GREM2: variants seen among roughly 807,000 people sequenced by gnomAD.
GREM2 encodes the protein gremlin 2, DAN family BMP antagonist.
Under a neutral mutation model 14.2 loss-of-function variants are expected in GREM2, and 11 were observed. That is an observed-to-expected ratio of 0.78 (90% CI 0.49 to 1.28). The LOEUF is 1.28. Ranked by LOEUF, GREM2 falls within the 50% of genes most tolerant of loss-of-function variation. GREM2 has a pLI of 0.00. For missense variants in GREM2, 210 were observed against 218.5 expected, an observed-to-expected ratio of 0.96 and a Z score of 0.24; for synonymous variants, 98 against 97.6, an observed-to-expected ratio of 1.00 and a Z score of -0.02.
intron 1 of GREM2, among the ~76,000 whole-genome samples, chr1:240,529,818 T>C (rs374817657): frequency 1.1e-4 from 16 of 152,320 alleles, no homozygotes; most frequent in African/African-American, 3.6e-4. Context: ...CCCAGGTTTA[T>C]TTCATATAGT....
At chr1:240,595,618 A>G (rs952383010) in intron 1 of GREM2, among the ~76,000 whole-genome samples, 2 of 152,148 alleles carry the variant, frequency 1.3e-5, no homozygotes. Flanking sequence ...TTCAGGAATG[A>G]GGATAATGCC....
intron 1 of GREM2, among the ~76,000 whole-genome samples, chr1:240,560,199 A>G (rs1679013395): frequency 6.6e-6 from 1 of 152,176 alleles, no homozygotes; most frequent in African/African-American, 2.4e-5. Context: ...CGCTGTATGG[A>G]GAACGTTCTT....
chr1:240,610,900 A>C (rs1213778466), intron 1 of GREM2, among the ~76,000 whole-genome samples: 1 of 152,134 alleles, frequency 6.6e-6, no homozygotes, highest in Admixed American at 6.5e-5. Flanking sequence ...TTTTTAACTG[A>C]CTTCTTGCAG....
intron 1 of GREM2, among the ~76,000 whole-genome samples, chr1:240,505,437 A>G (rs986612810): frequency 6.6e-6 from 1 of 152,178 alleles, no homozygotes; most frequent in African/African-American, 2.4e-5. Context: ...TCATATATGA[A>G]AACAAAAACA....
chr1:240,594,638 G>T (rs1345382319), intron 1 of GREM2, among the ~76,000 whole-genome samples: 1 of 151,986 alleles, frequency 6.6e-6, no homozygotes, highest in South Asian at 2.1e-4. Context: ...CTTATAAATA[G>T]TATCTTCAGG....
intron 1 of GREM2, among the ~76,000 whole-genome samples, chr1:240,610,741 G>C (rs1680115875): frequency 6.6e-6 from 1 of 152,306 alleles, no homozygotes; most frequent in East Asian, 1.9e-4. Context: ...GAAAGGTAAG[G>C]TATTTGATTG....
chr1:240,609,040 G>A (rs543857056), intron 1 of GREM2, among the ~76,000 whole-genome samples: 2 of 152,212 alleles, frequency 1.3e-5, no homozygotes, highest in South Asian at 4.1e-4. Context: ...AAATATTCAG[G>A]ATGTCTCATC....
chr1:240,539,275 C>G (rs901171474), intron 1 of GREM2, among the ~76,000 whole-genome samples: 5 of 152,220 alleles, frequency 3.3e-5, no homozygotes, highest in African/African-American at 9.6e-5. Context: ...GGCTTGTGGT[C>G]TTCCTGGTGG....
At chr1:240,557,217 A>G (rs116218253) in intron 1 of GREM2, among the ~76,000 whole-genome samples, 239 of 151,722 alleles carry the variant, frequency 1.6e-3, no homozygotes, top group Non-Finnish European at 2.7e-3. Flanking sequence ...AAAATAAAAT[A>G]CATAAAAAAT....
chr1:240,579,491 T>G (rs1679439035), intron 1 of GREM2, among the ~76,000 whole-genome samples: 1 of 152,082 alleles, frequency 6.6e-6, no homozygotes, highest in South Asian at 2.1e-4. Flanking sequence ...GAGTGAGAGT[T>G]TTAGTGAAGG....
intron 1 of GREM2, among the ~76,000 whole-genome samples, chr1:240,570,021 GT>G (rs1486501813): frequency 6.6e-6 from 1 of 152,098 alleles, no homozygotes; most frequent in Non-Finnish European, 1.5e-5. Flanking sequence ...AATCTGCTAT[GT>G]TTTTACAGTT....
chr1:240,608,398 C>T (rs546280618), intron 1 of GREM2, among the ~76,000 whole-genome samples: 1 of 152,316 alleles, frequency 6.6e-6, no homozygotes, highest in Non-Finnish European at 1.5e-5. Flanking sequence ...ACACATCCAT[C>T]AACTTTCCCA....
At chr1:240,607,679 G>C (rs898808427) in intron 1 of GREM2, among the ~76,000 whole-genome samples, 2 of 152,092 alleles carry the variant, frequency 1.3e-5, no homozygotes, top group Admixed American at 1.3e-4. Context: ...TGGGCCTGAG[G>C]GTGAATATTT....
chr1:240,504,949 G>C (rs548508670), intron 1 of GREM2, among the ~76,000 whole-genome samples: 1 of 152,052 alleles, frequency 6.6e-6, no homozygotes, highest in South Asian at 2.1e-4. Flanking sequence ...CTATGTCCCC[G>C]CCCCAATCTT....
At chr1:240,587,489 T>C (rs1034921402) in intron 1 of GREM2, among the ~76,000 whole-genome samples, 1 of 151,802 alleles carries the variant, frequency 6.6e-6, no homozygotes, top group Admixed American at 6.6e-5. Flanking sequence ...GACTGGCTAA[T>C]TTTTGTATTT....
At chr1:240,549,712 CAGTG>C (rs1193069545) in intron 1 of GREM2, among the ~76,000 whole-genome samples, 1 of 152,070 alleles carries the variant, frequency 6.6e-6, no homozygotes, top group East Asian at 1.9e-4. Context: ...TGCTTGGAGA[CAGTG>C]AGAAAGATGT....
Position 240,575,039 on chromosome 1 carries a change from G to T in GREM2, c.-2+36845C>A, listed in dbSNP as rs368595812. 2.2e-4 allele frequency among the ~76,000 whole-genome samples: 34 copies of T among 152,036 alleles called. No homozygotes were observed. In the East Asian group the frequency reaches 5.6e-3, roughly 25 times the overall value. ...GGAGAATTGGTTGAACGTGGGAGGC[G>T]GAGGCTGCAGTGAGCCAAGATCGCA... On this transcript the variant is annotated intron_variant, in intron 1 of 1. Transcript: ENST00000318160.
At chr1:240,593,457 A>G (rs1162065742) in intron 1 of GREM2, among the ~76,000 whole-genome samples, 4 of 152,156 alleles carry the variant, frequency 2.6e-5, no homozygotes, top group African/African-American at 9.7e-5. Flanking sequence ...CCAACATATA[A>G]CTTACCTCTC....
At chr1:240,585,791 CA>C (rs1399265021) in intron 1 of GREM2, among the ~76,000 whole-genome samples, 1 of 145,894 alleles carries the variant, frequency 6.9e-6, no homozygotes, top group Non-Finnish European at 1.5e-5. Flanking sequence ...GAGGGCCCCT[CA>C]AAAGGTCACA....
Sources: allele counts gnomAD v4.1 joint callset (sites outside exome capture counted in the v4.1 genomes callset), GRCh38; gene constraint gnomAD v4.1.1; transcripts MANE v1.5; gene names NCBI Gene and HGNC (gene_info 2026-07-23, HGNC 2026-07-21).